The following TCF20 variants were observed in gnomAD, a reference collection of about 807,000 sequenced individuals.
TCF20 encodes the protein transcription factor 20.
Under a neutral mutation model 148.6 loss-of-function variants are expected in TCF20, and 3 were observed. That is an observed-to-expected ratio of 0.02 (90% CI 0.01 to 0.05). The LOEUF is 0.05. Ranked by LOEUF, TCF20 falls within the 10% of genes least tolerant of loss-of-function variation. The probability of loss-of-function intolerance (pLI) is 1.00; values close to 1 mark genes in which losing one functional copy is unlikely to be tolerated. For synonymous variants in TCF20, 1,049 were observed against 909.5 expected (o/e 1.15, Z -2.76); for missense variants, 2,350 against 2,429.3 (o/e 0.97, Z 0.69).
In TCF20 at chr22:42,169,925, G is replaced by C. The variant is rs368677237; in HGVS notation, c.5750-29C>G. The C allele has an allele frequency of 5.6e-5, 90 of 1,611,970 alleles. 1 individual carries two copies. In the South Asian group the frequency reaches 9.9e-4, roughly 18 times the overall value. On this transcript the variant is annotated intron_variant, in intron 3 of 5. Coordinates refer to ENST00000677622, the MANE Select transcript of TCF20 (RefSeq NM_001378418.1). The stretch of plus-strand genomic sequence containing the variant: ...GAAGACAGAAGGGGACAGTCAGATG[G>C]AGACTTCACAGCTGGACATAGGTGT...
At chr22:42,319,657 G>A (rs903695724) in intron 1 of TCF20, among the ~76,000 whole-genome samples, 2 of 152,172 alleles carry the variant, frequency 1.3e-5, no homozygotes, top group African/African-American at 4.8e-5. Context: ...CCTAACCCCC[G>A]ATGAGTATCA....
intron 1 of TCF20, among the ~76,000 whole-genome samples, chr22:42,330,147 G>A (rs763757781): frequency 4.0e-5 from 6 of 150,786 alleles, no homozygotes; most frequent in Non-Finnish European, 8.8e-5. Context: ...GCCTCTCAGG[G>A]GGCCACCAGG....
intron 1 of TCF20, among the ~76,000 whole-genome samples, chr22:42,329,411 G>A (rs1419321172): frequency 6.6e-6 from 1 of 152,228 alleles, no homozygotes; most frequent in Non-Finnish European, 1.5e-5. Flanking sequence ...CCTCACACTC[G>A]CCTCTGCAGG....
chr22:42,200,641 C>CAAAA (rs34605295), intron 2 of TCF20, among the ~76,000 whole-genome samples: 22 of 96,414 alleles, frequency 2.3e-4, no homozygotes, highest in South Asian at 7.8e-4. Flanking sequence ...GACTTCGTCT[C>CAAAA]AAAAAAAAAA....
At position 42,214,544 on chromosome 22, in the gene TCF20, G is replaced by C; in HGVS notation, c.762C>G (p.Ser254Arg). The change falls in exon 2 of 6, where the codon AGC becomes AGG. Residue 254 changes from serine to arginine, a missense_variant. Around this residue, in one of 7 missense-constraint regions of TCF20, gnomAD observed 1,641 missense variants for 1,662.6 expected, o/e 0.99. Coordinates refer to ENST00000677622, the MANE Select transcript of TCF20 (RefSeq NM_001378418.1). ...TGCCATCATAGCTCTGTCCAGACTG[G>C]CTAAAACGCTGTGGTGAAGGGAAGG... ...SSSFPSPQRF[S>R]QSGQSYDGSY... is the part of the protein sequence containing the mutation. 6.2e-7 allele frequency: 1 copy of C among 1,614,166 alleles called. No homozygotes were observed.
chr22:42,251,222 A>G (rs753730579), intron 1 of TCF20, among the ~76,000 whole-genome samples: 1 of 152,138 alleles, frequency 6.6e-6, no homozygotes, highest in Non-Finnish European at 1.5e-5. Flanking sequence ...ATTGAAGACA[A>G]AGTCTTGCTC....
In TCF20 at chr22:42,299,721, GTAAT is replaced by G. The variant is rs1176733760; in HGVS notation, c.-37+43754_-37+43757del. Among the ~76,000 whole-genome samples the G allele has an allele frequency of 1.3e-5, 2 of 152,124 alleles. No individual in the cohort carries two copies. The highest frequency in any genetic ancestry group is 3.9e-4 in the East Asian group (2 of 5,192). On this transcript the variant is annotated intron_variant, in intron 1 of 1. Transcript: ENST00000515426. The surrounding 1 kb of genome is among the most constrained non-coding windows in gnomAD (Gnocchi z 4.1). ...CCTGGCTGGGGTCTCTCTAGGTCAG[GTAAT>G]TAATAGCAGGAGGGAAGTGCAATTA... is the stretch of plus-strand genomic sequence containing the variant.
At chr22:42,282,905 A>T (rs1926937067) in intron 1 of TCF20, among the ~76,000 whole-genome samples, 1 of 125,084 alleles carries the variant, frequency 8.0e-6, no homozygotes, top group African/African-American at 2.8e-5. Flanking sequence ...ATAAAGCCCC[A>T]CGCCGCCCAG....
Position 42,215,139 on chromosome 22 carries a change from C to G in TCF20, c.167G>C (p.Gly56Ala), listed in dbSNP as rs1569155015. ...GSSGSSGSGS[G>A]GGRRGAAAAA... is the part of the protein sequence containing the mutation. ...AGCTGCTGCTCCTCGTCGTCCACCA[C>G]CACTGCCACTGCCACTGCTGCCACT... The change falls in exon 2 of 6, where the codon GGT becomes GCT. Residue 56 changes from glycine (G) to alanine (A), a missense_variant. Gly to Ala is a moderately conservative substitution (Grantham distance 60). Around this residue, in one of 7 missense-constraint regions of TCF20, gnomAD observed 1,641 missense variants for 1,662.6 expected, o/e 0.99. Transcript: ENST00000677622. The G allele has an allele frequency of 3.7e-6, 6 of 1,606,790 alleles. No individual in the cohort carries two copies. Among genetic ancestry groups the G allele is most frequent in the Non-Finnish European group, 5.1e-6 (6 of 1,173,548 alleles).
chr22:42,240,591 G>A (rs948664233), intron 1 of TCF20, among the ~76,000 whole-genome samples: 2 of 152,122 alleles, frequency 1.3e-5, no homozygotes, highest in Non-Finnish European at 2.9e-5. Context: ...GAAAAAGATG[G>A]AAATCCAAAG....
chr22:42,248,150 G>A (rs543159122), intron 1 of TCF20, among the ~76,000 whole-genome samples: 2 of 152,362 alleles, frequency 1.3e-5, no homozygotes, highest in South Asian at 4.1e-4. Context: ...AGGGAGAACA[G>A]GGCTGAGGGA....
intron 1 of TCF20, among the ~76,000 whole-genome samples, chr22:42,315,310 C>T (rs7287195): frequency 0.051 from 7,702 of 152,228 alleles, 242 homozygotes; most frequent in South Asian, 0.16. Context: ...AGGAGAGGCA[C>T]CACAGTGGGC....
At chr22:42,195,254 A>C (rs1186192520) in intron 2 of TCF20, among the ~76,000 whole-genome samples, 1 of 151,340 alleles carries the variant, frequency 6.6e-6, no homozygotes, top group Non-Finnish European at 1.5e-5. Flanking sequence ...ATGAACAACA[A>C]AGCCTCATAC....
chr22:42,259,140 C>A (rs1925901784), intron 1 of TCF20, among the ~76,000 whole-genome samples: 1 of 152,220 alleles, frequency 6.6e-6, no homozygotes, highest in Admixed American at 6.5e-5. Flanking sequence ...TTTCCTCCAG[C>A]CTGTCTGGTG....
At chr22:42,232,595 A>G (rs1923524321) in intron 1 of TCF20, among the ~76,000 whole-genome samples, 1 of 152,078 alleles carries the variant, frequency 6.6e-6, no homozygotes, top group African/African-American at 2.4e-5. Context: ...TGGGAGGTCG[A>G]GGCGGGCGGA....
rs115789045 is a variant in TCF20 at position 42,198,421 on chromosome 22, C to G, written c.5655+11230G>C. Among the ~76,000 whole-genome samples the G allele has an allele frequency of 7.4e-3, 1,124 of 152,290 alleles. 16 individuals carry two copies. The highest frequency in any genetic ancestry group is 0.026 in the African/African-American group (1,069 of 41,568). On this transcript the variant is annotated intron_variant, in intron 2 of 5. Coordinates refer to ENST00000677622, the MANE Select transcript of TCF20 (RefSeq NM_001378418.1). The stretch of plus-strand genomic sequence containing the variant: ...AGTCATTCCTGGCATCCATGGAGGA[C>G]TGGTTCCAGGACCTCTGCCAATACC...
At chr22:42,319,488 G>A (rs1569208559) in intron 1 of TCF20, among the ~76,000 whole-genome samples, 1 of 152,206 alleles carries the variant, frequency 6.6e-6, no homozygotes, top group South Asian at 2.1e-4. Flanking sequence ...TCCTGAGCCT[G>A]GCCAGCAGGG....
chr22:42,258,926 T>G (rs990213757), intron 1 of TCF20, among the ~76,000 whole-genome samples: 2 of 152,186 alleles, frequency 1.3e-5, no homozygotes, highest in African/African-American at 4.8e-5. Context: ...GTATTTTACT[T>G]TTCTCTAACA....
chr22:42,306,398 G>T (rs896135195), intron 1 of TCF20, among the ~76,000 whole-genome samples: 1 of 152,210 alleles, frequency 6.6e-6, no homozygotes, highest in Non-Finnish European at 1.5e-5. Context: ...CAATGTGGGT[G>T]GGGGGTGCTG....
Sources: allele counts gnomAD v4.1 joint callset (sites outside exome capture counted in the v4.1 genomes callset), GRCh38; gene constraint gnomAD v4.1.1; regional missense constraint gnomAD v4.1.1; non-coding constraint Gnocchi (gnomAD v3.1); transcripts MANE v1.5; gene names NCBI Gene and HGNC (gene_info 2026-07-23, HGNC 2026-07-21).